IGSF9B: variants seen among roughly 807,000 people sequenced by gnomAD.
IGSF9B encodes the protein immunoglobulin superfamily member 9B, also known as protein turtle homolog B.
In IGSF9B, 48 loss-of-function variants were observed where a neutral mutation model predicts 143.7. The observed-to-expected ratio is 0.33, with a 90% confidence interval of 0.26 to 0.42. IGSF9B has a LOEUF of 0.42. Ranked by LOEUF, IGSF9B falls within the 20% of genes least tolerant of loss-of-function variation. The pLI, the probability that IGSF9B is intolerant of heterozygous loss-of-function variation, is 1.00. For synonymous variants in IGSF9B, 903 were observed against 833.1 expected (o/e 1.08, Z -1.44); for missense variants, 1,706 against 1,980.0 (o/e 0.86, Z 2.63).
rs955029906 is a variant in IGSF9B at position 133,931,227 on chromosome 11, C to T, written c.1369-93G>A. ...GATGGGGAGGACGCGCCTGAGACCC[C>T]GGCCCGCCCACGCTGCCCTCCTCCC... On this transcript the variant is annotated intron_variant, in intron 10 of 19. Transcript: ENST00000533871. This position sits in a 1 kb window ranked among gnomAD's most constrained non-coding sequence, Gnocchi z 7.7. 24 of 1,332,380 alleles carry T rather than the reference C, an allele frequency of 1.8e-5. No individual in the cohort carries two copies. The African/African-American group carries it at 2.5e-4, about 14-fold the overall frequency. The allele number at this position is 1,332,380 out of a possible 1,614,324, so 82.5% of individuals were successfully genotyped here. A position where few individuals can be genotyped will look rare whatever the true frequency, so the allele number is the denominator to read the frequency against.
chr11:133,940,374 ACGT>A (rs534204240), intron 3 of IGSF9B, among the ~76,000 whole-genome samples: 37 of 126,752 alleles, frequency 2.9e-4, no homozygotes, highest in African/African-American at 1.1e-3. Flanking sequence ...CACACCTCGC[ACGT>A]CCTCGCATGC....
chr11:133,904,303 T>C lies in IGSF9B; in HGVS notation c.*4766A>G, dbSNP rs115111660. ...AGAATGGCACTTCCTTCTCCACTGA[T>C]GAAGAGCTGGTGATAGGATGGGCAT... On this transcript the variant is annotated 3_prime_UTR_variant, in exon 20 of 20. Transcript: ENST00000533871. Among the ~76,000 whole-genome samples, 399 of 152,292 alleles carry C rather than the reference T, an allele frequency of 2.6e-3. 1 individual carries two copies. The highest frequency in any genetic ancestry group is 9.3e-3 in the African/African-American group (388 of 41,542).
intron 15 of IGSF9B, among the ~76,000 whole-genome samples, chr11:133,923,826 C>T (rs1392110211): frequency 6.6e-6 from 1 of 152,234 alleles, no homozygotes; most frequent in East Asian, 1.9e-4. Context: ...ACAGAATGGT[C>T]AGGGGTGGGC....
chr11:133,944,207 A>G lies in IGSF9B; in HGVS notation c.409+13T>C. 1 of 1,587,040 alleles carries G rather than the reference A, an allele frequency of 6.3e-7. No homozygotes were observed. On this transcript the variant is annotated intron_variant, in intron 3 of 19. Transcript: ENST00000533871. Reference sequence around the variant, plus strand: ...GATGGTGAGGTGGACCCACCCTGGAAGCCGTCACTCACCGTTGATGGTGAG... The same window carrying G: ...GATGGTGAGGTGGACCCACCCTGGAGGCCGTCACTCACCGTTGATGGTGAG...
At position 133,908,887 on chromosome 11, in the gene IGSF9B, C is replaced by G; in HGVS notation, c.*182G>C. On this transcript the variant is annotated 3_prime_UTR_variant, in exon 20 of 20. Coordinates refer to ENST00000533871, the MANE Select transcript of IGSF9B (RefSeq NM_001277285.4). ...CCCACAGGTGGAAGGTGTGCCCACCCTCCGTCCTGAAGACAGGCGGCCAGG... is the reference window on the plus strand; with the variant it reads ...CCCACAGGTGGAAGGTGTGCCCACCGTCCGTCCTGAAGACAGGCGGCCAGG... The G allele has an allele frequency of 1.7e-6, 1 of 598,966 alleles. No individual in the cohort carries two copies. Among genetic ancestry groups the G allele is most frequent in the South Asian group, 2.1e-5 (1 of 47,716 alleles). 37.1% of individuals were successfully genotyped at this position (598,966 alleles called of 1,614,324 possible).
chr11:133,918,855 C>T (rs560843960), intron 18 of IGSF9B, among the ~76,000 whole-genome samples: 7 of 150,918 alleles, frequency 4.6e-5, no homozygotes, highest in African/African-American at 1.7e-4. Flanking sequence ...GGGGGCACTA[C>T]AGAGGCGTGG....
At chr11:133,918,907 T>C (rs374455300) in intron 18 of IGSF9B, 12 of 446,198 alleles carry the variant, frequency 2.7e-5, no homozygotes, top group African/African-American at 4.3e-5. Flanking sequence ...GGAAGGAAGA[T>C]AGGAGAGAGA....
rs768469068 is a variant in IGSF9B, at chr11:133,922,595, C to T, written c.2255G>A (p.Arg752His). The T allele has an allele frequency of 2.7e-5, 43 of 1,611,454 alleles. No homozygotes were observed. Among genetic ancestry groups the T allele is most frequent in the African/African-American group, 4.0e-5 (3 of 74,908 alleles). The change falls in exon 16 of 20, where the codon CGC (arginine) becomes CAC (histidine). Residue 752 changes from arginine (R) to histidine (H), a missense_variant. By Grantham distance (29) the Arg-to-His change is conservative. Coordinates refer to ENST00000533871, the MANE Select transcript of IGSF9B (RefSeq NM_001277285.4). The stretch of plus-strand genomic sequence containing the variant: ...TTTTTTGCGCTTGAGCTTACGCTTG[C>T]GCTGCTTGTTGACAAAGCAGGCAGC... Reference protein sequence around the residue: ...TLAACFVNKQRKRKLKRKKDP... With the variant: ...TLAACFVNKQHKRKLKRKKDP...
chr11:133,925,818 C>T lies in IGSF9B; in HGVS notation c.1955G>A (p.Arg652His), dbSNP rs775133923. The T allele has an allele frequency of 4.3e-6, 7 of 1,613,894 alleles. No homozygotes were observed. The highest frequency in any genetic ancestry group is 4.5e-5 in the East Asian group (2 of 44,886). ...GAGCAACTCCCAGCGCTCTGCGACA[C>T]GGAACTCCATGATGTAGCGGTCGAT... The part of the protein sequence containing the change: ...FPIDRYIMEF[R>H]VAERWELLDD... Residue 652 changes from arginine to histidine, a missense_variant, in exon 14 of 20, where the codon CGT becomes CAT. Around this residue, in one of 7 missense-constraint regions of IGSF9B, gnomAD observed 267 missense variants for 321.1 expected, o/e 0.83. Transcript: ENST00000533871.
At chr11:133,935,844 G>A in intron 6 of IGSF9B, 82 bp from the exon 7 acceptor site, 2 of 1,532,880 alleles carry the variant, frequency 1.3e-6, no homozygotes, top group African/African-American at 1.4e-5. Flanking sequence ...CACTGCCCCA[G>A]ATGTGGCATG....
At position 133,924,855 on chromosome 11, in the gene IGSF9B, C is replaced by G; in HGVS notation, c.2084G>C (p.Ser695Thr). ...GACGCCGGCGATGTTGCTGGGCTCG[C>G]TGATCAGATCCTGCATGACGGCCAG... ...RVLAVMQDLI[S>T]EPSNIAGVSS... The change falls in exon 15 of 20, where the codon AGC (serine) becomes ACC (threonine). Residue 695 changes from serine to threonine, a missense_variant. Physicochemically the swap from Ser to Thr is moderately conservative, Grantham distance 58 (BLOSUM62 1). Around this residue, in one of 7 missense-constraint regions of IGSF9B, gnomAD observed 267 missense variants for 321.1 expected, o/e 0.83. Coordinates refer to ENST00000533871, the MANE Select transcript of IGSF9B (RefSeq NM_001277285.4). 6.2e-7 allele frequency: 1 copy of G among 1,613,790 alleles called. No individual in the cohort carries two copies. The highest frequency in any genetic ancestry group is 1.3e-5 in the African/African-American group (1 of 75,032).
At chr11:133,952,334 C>A (rs1940175651) in intron 1 of IGSF9B, 1 of 251,464 alleles carries the variant, frequency 4.0e-6, no homozygotes, top group Non-Finnish European at 8.2e-6. Flanking sequence ...GACAGAGAGG[C>A]CCTGGGCTGG....
Position 133,928,852 on chromosome 11 carries a change from A to C in IGSF9B, c.1631+819T>G, listed in dbSNP as rs1939675251. On this transcript the variant is annotated intron_variant, in intron 12 of 19. Transcript: ENST00000533871. The surrounding 1 kb of genome is among the most constrained non-coding windows in gnomAD (Gnocchi z 4.7). ...CTGCATCTGGCTAAACTGACAACAG[A>C]GGAATGAAAACAATCGAGAAACACA... Among the ~76,000 whole-genome samples the C allele has an allele frequency of 6.6e-6, 1 of 152,218 alleles. No individual in the cohort carries two copies. The highest frequency in any genetic ancestry group is 2.4e-5 in the African/African-American group (1 of 41,458).
At chr11:133,935,531 C>G in intron 7 of IGSF9B, 86 bp downstream of exon 7, 1 of 1,413,444 alleles carries the variant, frequency 7.1e-7, no homozygotes, top group Non-Finnish European at 9.5e-7. Context: ...GATGCTTGGT[C>G]TTTGCTACCC....
intron 7 of IGSF9B, among the ~76,000 whole-genome samples, chr11:133,933,740 C>T (rs12792462): frequency 0.019 from 2,882 of 152,114 alleles, 46 homozygotes; most frequent in Non-Finnish European, 0.031. Context: ...ACAGCAGGAC[C>T]CTGGCTCTCG....
intron 5 of IGSF9B, 107 bp downstream of exon 5, chr11:133,937,269 C>T: frequency 2.6e-6 from 2 of 769,984 alleles, no homozygotes; most frequent in Non-Finnish European, 4.2e-6. Flanking sequence ...CCGCCTGCAC[C>T]TCCACTAGCC....
rs147686575 is a variant in IGSF9B, at chr11:133,950,837, G to A, written c.65-4579C>T. Among the ~76,000 whole-genome samples, 525 of 151,676 alleles carry A rather than the reference G, an allele frequency of 3.5e-3. 5 individuals carry two copies. Among genetic ancestry groups the A allele is most frequent in the African/African-American group, 0.012 (491 of 41,414 alleles). On this transcript the variant is annotated intron_variant, in intron 1 of 19. Coordinates refer to ENST00000533871, the MANE Select transcript of IGSF9B (RefSeq NM_001277285.4). ...GGGAACGGAGTGAGCACCAGCATCC[G>A]TTGCTCATTAGTACAAGTCCTTATT...
rs1354571422 is a variant in IGSF9B, at chr11:133,901,831, A to AAC, written c.*7236_*7237dup. Among the ~76,000 whole-genome samples the AAC allele has an allele frequency of 7.1e-6, 1 of 140,374 alleles. No individual in the cohort carries two copies. Among genetic ancestry groups the AAC allele is most frequent in the Admixed American group, 7.1e-5 (1 of 14,048 alleles). 92.1% of individuals were successfully genotyped at this position (140,374 alleles called of 152,430 possible). A position where few individuals can be genotyped will look rare whatever the true frequency, so the allele number is the denominator to read the frequency against. On this transcript the variant is annotated 3_prime_UTR_variant, in exon 20 of 20. Coordinates refer to ENST00000533871, the MANE Select transcript of IGSF9B (RefSeq NM_001277285.4). ...ACAGACACACCACACCACACACACA[A>AAC]ACACACACACACCACACACGCACCA...
chr11:133,935,850 G>A, intron 6 of IGSF9B, 88 bp from the exon 7 acceptor site: 2 of 1,517,130 alleles, frequency 1.3e-6, no homozygotes, highest in South Asian at 1.3e-5. Context: ...CCCAGATGTG[G>A]CATGGAGAGC....
Sources: gnomAD v4.1 joint callset for allele counts (sites outside exome capture counted in the v4.1 genomes callset) on GRCh38, gnomAD v4.1.1 for gene constraint, gnomAD v4.1.1 regional missense constraint, Gnocchi (gnomAD v3.1) non-coding constraint, MANE v1.5 for transcripts, NCBI Gene and HGNC (gene_info 2026-07-23, HGNC 2026-07-21) for gene names.